The following PINK1 variants were observed in gnomAD, a reference collection of about 807,000 sequenced individuals.
PINK1 encodes the protein serine/threonine-protein kinase PINK1, mitochondrial.
PINK1 carries 58 observed loss-of-function variants against 56.0 expected under a neutral mutation model. That is an observed-to-expected ratio of 1.04 (90% confidence interval 0.84 to 1.29). The LOEUF is 1.29. Ranked by LOEUF, PINK1 falls within the 50% of genes most tolerant of loss-of-function variation. The pLI is 0.00. For missense variants in PINK1, 745 were observed against 777.9 expected, an observed-to-expected ratio of 0.96 and a Z score of 0.50; for synonymous variants, 354 against 339.3, an observed-to-expected ratio of 1.04 and a Z score of -0.48.
At chr1:20,640,510 G>A (rs1386009748) in intron 3 of PINK1, among the ~76,000 whole-genome samples, 1 of 152,182 alleles carries the variant, frequency 6.6e-6, no homozygotes, top group African/African-American at 2.4e-5. Flanking sequence ...CAGGGGAGGC[G>A]TGTGCTGCAG....
intron 2 of PINK1, chr1:20,639,533 C>A (rs985155938): frequency 2.9e-6 from 1 of 349,364 alleles, no homozygotes; most frequent in Admixed American, 3.8e-5. Flanking sequence ...CTGAAGGGAG[C>A]CTGCAGAATG....
chr1:20,642,466 A>T (rs1239139558), intron 3 of PINK1, among the ~76,000 whole-genome samples: 1 of 152,200 alleles, frequency 6.6e-6, no homozygotes, highest in Non-Finnish European at 1.5e-5. Flanking sequence ...TTATCTGTTC[A>T]TGCCAACTCA....
chr1:20,644,691 G>T lies in PINK1; in HGVS notation c.959+19G>T. Reference sequence around the variant, plus strand: ...TGAAGAAGTAAGTGACAGCAGCGCGGCAGGGCCTGGAGCTGATACATCTCC... The same window carrying T: ...TGAAGAAGTAAGTGACAGCAGCGCGTCAGGGCCTGGAGCTGATACATCTCC... On this transcript the variant is annotated intron_variant, in intron 4 of 7. Coordinates refer to ENST00000321556, the MANE Select transcript of PINK1 (RefSeq NM_032409.3). The T allele has an allele frequency of 6.2e-7, 1 of 1,613,248 alleles. No homozygotes were observed. Among genetic ancestry groups the T allele is most frequent in the Non-Finnish European group, 8.5e-7 (1 of 1,179,856 alleles).
chr1:20,648,415 G>A (rs1173868260), intron 5 of PINK1, 90 bp from the exon 6 acceptor site: 72 of 1,577,716 alleles, frequency 4.6e-5, no homozygotes, highest in Non-Finnish European at 6.0e-5. Context: ...TGTCAGCTAT[G>A]TCTTGCTGGT....
rs1570409378 is a variant in PINK1 at position 20,650,545 on chromosome 1, C to A, written c.1600C>A (p.Gln534Lys). Reference protein sequence around the residue: ...LDKMVGWLLQQSAATLLANRL... With the variant: ...LDKMVGWLLQKSAATLLANRL... ...CAAGATGGTTGGCTGGCTCCTCCAA[C>A]AATCGGCCGCCACTTTGTTGGCCAA... is the stretch of plus-strand genomic sequence containing the variant. The change falls in exon 8 of 8, where the codon CAA becomes AAA. Residue 534 changes from glutamine to lysine, a missense_variant. By Grantham distance (53) the Gln-to-Lys change is moderately conservative (BLOSUM62 1). Transcript: ENST00000321556. 3.7e-6 allele frequency: 6 copies of A among 1,614,240 alleles called. No individual in the cohort carries two copies. The East Asian group carries it at 1.1e-4, about 30-fold the overall frequency.
chr1:20,648,883 T>C, intron 6 of PINK1, 112 bp from the exon 7 acceptor site: 1 of 1,355,388 alleles, frequency 7.4e-7, no homozygotes, highest in African/African-American at 1.4e-5. Context: ...TCACTCAAGC[T>C]CTGGGTTCCT....
chr1:20,648,473 G>A (rs2053215356), intron 5 of PINK1, 32 bp from the exon 6 acceptor site: 2 of 1,613,778 alleles, frequency 1.2e-6, no homozygotes, highest in Admixed American at 1.7e-5. Flanking sequence ...AGGAGGGGAG[G>A]AGAAATGGTC....
In PINK1 at chr1:20,639,995, A is replaced by G. The variant is rs917252799; in HGVS notation, c.776+3A>G. 5 of 1,599,950 alleles carry G rather than the reference A, an allele frequency of 3.1e-6. No homozygotes were observed. The African/African-American group carries it at 6.7e-5, about 21-fold the overall frequency. Reference sequence around the variant, plus strand: ...GAGTATGGAGCAGTCACTTACAGGTAAGTGCCCTCTGCCTGCCAGACTGAC... The same window carrying G: ...GAGTATGGAGCAGTCACTTACAGGTGAGTGCCCTCTGCCTGCCAGACTGAC... On this transcript the variant is annotated splice_donor_region_variant and intron_variant, in intron 3 of 7. Transcript: ENST00000321556.
At chr1:20,647,864 C>T (rs144055795) in intron 5 of PINK1, among the ~76,000 whole-genome samples, 32 of 152,144 alleles carry the variant, frequency 2.1e-4, no homozygotes, top group Non-Finnish European at 4.1e-4. Flanking sequence ...CTGTGTTGCT[C>T]AGGCTGAAGT....
chr1:20,640,731 A>G (rs763471848), intron 3 of PINK1, among the ~76,000 whole-genome samples: 59 of 152,158 alleles, frequency 3.9e-4, no homozygotes, highest in Admixed American at 6.5e-4. Context: ...AGGCTATGAC[A>G]GAGGAGATAC....
At chr1:20,634,072 C>T in intron 1 of PINK1, 137 bp downstream of exon 1, 1 of 1,041,500 alleles carries the variant, frequency 9.6e-7, no homozygotes, top group Non-Finnish European at 1.4e-6. Flanking sequence ...GTCCTTAAAG[C>T]TCATCTATTT....
chr1:20,640,575 AG>A (rs1209658736), intron 3 of PINK1, among the ~76,000 whole-genome samples: 1 of 152,182 alleles, frequency 6.6e-6, no homozygotes, highest in Non-Finnish European at 1.5e-5. Flanking sequence ...CACCTTGTGA[AG>A]GATGAATTGG....
intron 1 of PINK1, among the ~76,000 whole-genome samples, chr1:20,636,585 G>A (rs188336827): frequency 2.8e-4 from 43 of 152,172 alleles, no homozygotes; most frequent in East Asian, 1.2e-3. Flanking sequence ...TTCATGATCC[G>A]CCTCCCTCGG....
At chr1:20,635,116 C>T (rs756729935) in intron 1 of PINK1, among the ~76,000 whole-genome samples, 9 of 152,214 alleles carry the variant, frequency 5.9e-5, no homozygotes, top group Admixed American at 3.3e-4. Flanking sequence ...GAGATTGATC[C>T]TCCTAAACTT....
Position 20,644,880 on chromosome 1 carries a change from C to T in PINK1, c.959+208C>T, listed in dbSNP as rs186399714. On this transcript the variant is annotated intron_variant, in intron 4 of 7. Coordinates refer to ENST00000321556, the MANE Select transcript of PINK1 (RefSeq NM_032409.3). ...TTTCATGGAAACAAACTCTCATCTT[C>T]ATCCAGAACATACTTGTCACCTAGT... Among the ~76,000 whole-genome samples the T allele has an allele frequency of 5.1e-4, 78 of 152,340 alleles. 1 individual carries two copies. Among genetic ancestry groups the T allele is most frequent in the African/African-American group, 1.8e-3 (76 of 41,568 alleles).
intron 7 of PINK1, 81 bp downstream of exon 7, chr1:20,649,312 C>G: frequency 1.4e-6 from 2 of 1,419,190 alleles, no homozygotes; most frequent in Non-Finnish European, 2.0e-6. Flanking sequence ...AGGTTTGGGC[C>G]AGAGCCACAG....
Position 20,638,043 on chromosome 1 carries a change from G to A in PINK1, c.589G>A (p.Gly197Ser). The change falls in exon 2 of 8, where the codon GGT (glycine) becomes AGT (serine). Residue 197 changes from glycine (G) to serine (S), a missense_variant. Physicochemically the swap from Gly to Ser is moderately conservative, Grantham distance 56. Coordinates refer to ENST00000321556, the MANE Select transcript of PINK1 (RefSeq NM_032409.3). ...CGGGTTGCTTCCAGGGAGAGGCCCA[G>A]GTACCAGTGCACCAGGAGAAGGGCA... ...STGLLPGRGP[G>S]TSAPGEGQER... 1 of 1,614,174 alleles carries A rather than the reference G, an allele frequency of 6.2e-7. No individual in the cohort carries two copies. The highest frequency in any genetic ancestry group is 2.2e-5 in the East Asian group (1 of 44,884).
rs2053098150 is a variant in PINK1 at position 20,639,898 on chromosome 1, T to A, written c.682T>A (p.Ser228Thr). 6.2e-7 allele frequency: 1 copy of A among 1,612,304 alleles called. No homozygotes were observed. The highest frequency in any genetic ancestry group is 8.5e-7 in the Non-Finnish European group (1 of 1,179,374). ...TTCCTTGTGGGTGTTCCAGGCAGGTTCCTCCAGCGAAGCCATCTTGAACAC... is the reference window on the plus strand; with the variant it reads ...TTCCTTGTGGGTGTTCCAGGCAGGTACCTCCAGCGAAGCCATCTTGAACAC... ...IKMMWNISAG[S>T]SSEAILNTMS... The change falls in exon 3 of 8, where the codon TCC becomes ACC. Residue 228 changes from serine (S) to threonine (T), a missense_variant. Ser to Thr is a moderately conservative substitution (Grantham distance 58, BLOSUM62 1). Coordinates refer to ENST00000321556, the MANE Select transcript of PINK1 (RefSeq NM_032409.3).
Position 20,650,652 on chromosome 1 carries a change from G to GGCA in PINK1, c.1710_1712dup (p.Ala571dup). The GGCA allele has an allele frequency of 6.2e-7, 1 of 1,614,138 alleles. No homozygotes were observed. The highest frequency in any genetic ancestry group is 8.5e-7 in the Non-Finnish European group (1 of 1,180,030). On this transcript the variant is annotated inframe_insertion, in exon 8 of 8. Transcript: ENST00000321556. ...ACCTGGAGTGTGAAACGCTCTGCCA[G>GGCA]GCAGCCCTCCTCCTCTGCTCATGGA...
Sources: gnomAD v4.1 joint callset for allele counts (sites outside exome capture counted in the v4.1 genomes callset) on GRCh38, gnomAD v4.1.1 for gene constraint, MANE v1.5 for transcripts, NCBI Gene and HGNC (gene_info 2026-07-23, HGNC 2026-07-21) for gene names.